KLHL1: variants seen among roughly 807,000 people sequenced by gnomAD.
The protein encoded by KLHL1 is kelch-like protein 1.
In KLHL1, 47 loss-of-function variants were observed where a neutral mutation model predicts 77.7. The ratio of observed to expected loss-of-function variants is 0.60; its 90% CI spans 0.48 to 0.77. KLHL1 has a LOEUF of 0.77. Among genes scored for constraint, KLHL1 ranks in the 30% least tolerant of loss-of-function variants. The pLI is 0.00. For synonymous variants in KLHL1, 360 were observed against 325.2 expected (o/e 1.11, Z -1.15); for missense variants, 925 against 910.8 (o/e 1.02, Z -0.20).
intron 1 of KLHL1, among the ~76,000 whole-genome samples, chr13:69,999,695 C>T (rs1052411192): frequency 6.6e-6 from 1 of 151,964 alleles, no homozygotes; most frequent in African/African-American, 2.4e-5. Context: ...TAATGAAGAC[C>T]AGTGTGGAAC....
intron 7 of KLHL1, among the ~76,000 whole-genome samples, chr13:69,793,006 A>C: frequency 6.6e-6 from 1 of 152,244 alleles, no homozygotes; most frequent in Non-Finnish European, 1.5e-5. Flanking sequence ...TCTGTACTTT[A>C]AAATTTAATT....
intron 1 of KLHL1, among the ~76,000 whole-genome samples, chr13:70,025,304 C>A (rs1436018778): frequency 2.0e-5 from 3 of 151,892 alleles, no homozygotes; most frequent in African/African-American, 7.2e-5. Flanking sequence ...AAAACATAGG[C>A]TGTAATTCTC....
chr13:69,867,139 G>A (rs1156269958), intron 5 of KLHL1, among the ~76,000 whole-genome samples: 1 of 151,980 alleles, frequency 6.6e-6, no homozygotes, highest in Non-Finnish European at 1.5e-5. Context: ...AATCCAGGTG[G>A]AAATAAAAGC....
At chr13:69,826,491 A>T (rs1304400125) in intron 6 of KLHL1, among the ~76,000 whole-genome samples, 1 of 152,138 alleles carries the variant, frequency 6.6e-6, no homozygotes, top group Non-Finnish European at 1.5e-5. Flanking sequence ...GAGGCAGGAG[A>T]ATCGCTTGAA....
chr13:69,781,329 G>A (rs1284528110), intron 7 of KLHL1, among the ~76,000 whole-genome samples: 1 of 133,398 alleles, frequency 7.5e-6, no homozygotes, highest in African/African-American at 2.9e-5. Context: ...TTCATGAGAA[G>A]GAATTTTGAG....
At chr13:70,032,887 T>A (rs1886139062) in intron 1 of KLHL1, among the ~76,000 whole-genome samples, 1 of 152,218 alleles carries the variant, frequency 6.6e-6, no homozygotes, top group Non-Finnish European at 1.5e-5. Context: ...TTTTGCCATT[T>A]TTTTATGGTC....
intron 2 of KLHL1, among the ~76,000 whole-genome samples, chr13:69,968,222 CA>C (rs1412060380): frequency 6.6e-6 from 1 of 152,006 alleles, no homozygotes; most frequent in Non-Finnish European, 1.5e-5. Context: ...TGATTGTTAG[CA>C]TTTTTTAGCA....
intron 3 of KLHL1, among the ~76,000 whole-genome samples, chr13:69,957,734 C>CT (rs1883936780): frequency 6.6e-6 from 1 of 151,738 alleles, no homozygotes. Flanking sequence ...AACGGCACTA[C>CT]TTTATAACAC....
chr13:70,016,712 A>G (rs909674549), intron 1 of KLHL1, among the ~76,000 whole-genome samples: 2 of 152,158 alleles, frequency 1.3e-5, no homozygotes, highest in African/African-American at 4.8e-5. Flanking sequence ...TATTGATGGA[A>G]GCAGGAGGCA....
chr13:69,959,403 GGCTCAGAGGT>G (rs1883996299), intron 3 of KLHL1, among the ~76,000 whole-genome samples: 1 of 151,642 alleles, frequency 6.6e-6, no homozygotes, highest in Admixed American at 6.6e-5. Flanking sequence ...GCTACCTCTT[GGCTCAGAGGT>G]AAATATTCCT....
chr13:69,743,727 A>T (rs1474396342), intron 7 of KLHL1, among the ~76,000 whole-genome samples: 4 of 151,552 alleles, frequency 2.6e-5, no homozygotes, highest in Non-Finnish European at 5.9e-5. Context: ...CAGAGGTTGC[A>T]GTGAGCCAAG....
chr13:69,787,568 C>A (rs1299358537), intron 7 of KLHL1, among the ~76,000 whole-genome samples: 1 of 152,140 alleles, frequency 6.6e-6, no homozygotes, highest in African/African-American at 2.4e-5. Flanking sequence ...TAGAAGGAAA[C>A]CTAGGCAGTA....
intron 1 of KLHL1, among the ~76,000 whole-genome samples, chr13:70,066,846 C>A (rs1165808188): frequency 6.6e-6 from 1 of 152,132 alleles, no homozygotes; most frequent in Non-Finnish European, 1.5e-5. Flanking sequence ...TTTATCATAA[C>A]AGAATGAAAA....
At chr13:69,866,512 A>G (rs1880369532) in intron 5 of KLHL1, among the ~76,000 whole-genome samples, 1 of 152,134 alleles carries the variant, frequency 6.6e-6, no homozygotes, top group Admixed American at 6.6e-5. Flanking sequence ...GTTTCTGTGG[A>G]TCATCCTTTG....
chr13:69,817,894 C>A (rs1878182716), intron 6 of KLHL1, among the ~76,000 whole-genome samples: 1 of 152,098 alleles, frequency 6.6e-6, no homozygotes, highest in East Asian at 1.9e-4. Context: ...CCTAGAAAGA[C>A]CTACAGAATG....
chr13:69,923,033 G>T (rs1882694072), intron 4 of KLHL1, among the ~76,000 whole-genome samples: 2 of 152,122 alleles, frequency 1.3e-5, no homozygotes, highest in Non-Finnish European at 2.9e-5. Context: ...GGTGGGAGGA[G>T]ACAGAAGATG....
intron 9 of KLHL1, among the ~76,000 whole-genome samples, chr13:69,712,688 ACAAT>A: frequency 6.6e-6 from 1 of 151,422 alleles, no homozygotes; most frequent in East Asian, 2.0e-4. Context: ...ACACACAACC[ACAAT>A]CAAACTACAT....
chr13:69,787,335 G>A (rs547838173), intron 7 of KLHL1, among the ~76,000 whole-genome samples: 1 of 152,226 alleles, frequency 6.6e-6, no homozygotes, highest in East Asian at 1.9e-4. Flanking sequence ...GAACAGAACA[G>A]AGCCCTCAGA....
chr13:70,104,997 C>A (rs1888016241), intron 1 of KLHL1, among the ~76,000 whole-genome samples: 1 of 151,974 alleles, frequency 6.6e-6, no homozygotes, highest in Non-Finnish European at 1.5e-5. Context: ...GAGCAGAGAA[C>A]CAATTCTCTA....
Sources: allele counts gnomAD v4.1 joint callset (sites outside exome capture counted in the v4.1 genomes callset), GRCh38; gene constraint gnomAD v4.1.1; transcripts MANE v1.5; gene names NCBI Gene and HGNC (gene_info 2026-07-23, HGNC 2026-07-21).